The following CNOT10 variants were observed in gnomAD, a reference collection of about 807,000 sequenced individuals.
CNOT10 encodes CCR4-NOT transcription complex, subunit 10.
Under a neutral mutation model 94.6 loss-of-function variants are expected in CNOT10, and 30 were observed. The observed-to-expected ratio is 0.32, with a 90% confidence interval of 0.24 to 0.43. CNOT10 has a LOEUF of 0.43. Among genes scored for constraint, CNOT10 ranks in the 20% least tolerant of loss-of-function variants. The probability of loss-of-function intolerance (pLI) is 1.00; values close to 1 mark genes in which losing one functional copy is unlikely to be tolerated. For missense variants in CNOT10, 759 were observed against 877.2 expected (o/e 0.87, Z 1.70); for synonymous variants, 289 against 301.6 (o/e 0.96, Z 0.43).
At chr3:32,736,338 C>T (rs1002112545) in intron 12 of CNOT10, among the ~76,000 whole-genome samples, 10 of 152,148 alleles carry the variant, frequency 6.6e-5, no homozygotes, top group Non-Finnish European at 1.3e-4. Context: ...CCTCCCTCCT[C>T]GGCCTCCCAG....
chr3:32,731,241 G>A lies in CNOT10; in HGVS notation c.1216-2182G>A, dbSNP rs185199097. Among the ~76,000 whole-genome samples the A allele has an allele frequency of 1.7e-4, 26 of 152,236 alleles. No homozygotes were observed. In the East Asian group the frequency reaches 4.8e-3, roughly 28 times the overall value. On this transcript the variant is annotated intron_variant, in intron 10 of 18. Coordinates refer to ENST00000328834, the MANE Select transcript of CNOT10 (RefSeq NM_015442.3). Reference sequence around the variant, plus strand: ...TTATTGTATTTTTTAGCACTGTGTAGTATGTTCTTTATTAAAAGTCATATA... The same window carrying A: ...TTATTGTATTTTTTAGCACTGTGTAATATGTTCTTTATTAAAAGTCATATA...
rs750466597 is a variant in CNOT10, at chr3:32,733,416, T to C, written c.1216-7T>C. On this transcript the variant is annotated splice_polypyrimidine_tract_variant and splice_region_variant and intron_variant, in intron 10 of 18. Transcript: ENST00000328834. Reference sequence around the variant, plus strand: ...TAAATTTATTGGAAATTATTTGTATTTTGTAGACTTCTGAACAAGAAACTA... The same window carrying C: ...TAAATTTATTGGAAATTATTTGTATCTTGTAGACTTCTGAACAAGAAACTA... The C allele has an allele frequency of 9.0e-6, 14 of 1,559,530 alleles. No individual in the cohort carries two copies. The highest frequency in any genetic ancestry group is 1.2e-5 in the Non-Finnish European group (14 of 1,150,338).
chr3:32,759,303 A>G (rs1700345760), intron 13 of CNOT10, among the ~76,000 whole-genome samples, 155 bp from the exon 14 acceptor site: 1 of 152,206 alleles, frequency 6.6e-6, no homozygotes, highest in Non-Finnish European at 1.5e-5. Context: ...TGTTTTATAC[A>G]TCAATCTAAT....
chr3:32,698,712 T>C (rs1056106975), intron 1 of CNOT10, among the ~76,000 whole-genome samples: 7 of 152,142 alleles, frequency 4.6e-5, no homozygotes, highest in African/African-American at 1.7e-4. Context: ...AAAAGGGAAG[T>C]TGGGAATCTT....
intron 1 of CNOT10, among the ~76,000 whole-genome samples, chr3:32,689,796 T>TA (rs556178814): frequency 6.8e-4 from 103 of 151,042 alleles, no homozygotes; most frequent in Admixed American, 2.0e-3. Flanking sequence ...CCGTAAAAAA[T>TA]AAAAAAAAAT....
intron 1 of CNOT10, among the ~76,000 whole-genome samples, chr3:32,687,446 TTTTTTG>T (rs1248039782): frequency 4.1e-5 from 3 of 72,920 alleles, no homozygotes; most frequent in Non-Finnish European, 7.6e-5. Flanking sequence ...ACGGTTTTTT[TTTTTTG>T]TTTTTTTTTT....
intron 1 of CNOT10, among the ~76,000 whole-genome samples, chr3:32,703,136 G>A (rs1697444617): frequency 6.9e-6 from 1 of 145,070 alleles, no homozygotes; most frequent in South Asian, 2.2e-4. Context: ...GTGTTAGCCA[G>A]GATGGTCTCG....
intron 18 of CNOT10, among the ~76,000 whole-genome samples, chr3:32,772,500 C>CA (rs1479281974): frequency 9.9e-5 from 15 of 151,880 alleles, no homozygotes; most frequent in Admixed American, 6.6e-5. Context: ...CCAGCCTGGG[C>CA]AATATAGTGA....
chr3:32,713,469 A>G (rs1575226700), intron 5 of CNOT10, 100 bp downstream of exon 5: 1 of 941,496 alleles, frequency 1.1e-6, no homozygotes, highest in Non-Finnish European at 1.6e-6. Flanking sequence ...AAATATGATT[A>G]ATGTTTGTGG....
intron 5 of CNOT10, among the ~76,000 whole-genome samples, chr3:32,714,796 C>G (rs895398405): frequency 2.0e-5 from 3 of 152,130 alleles, no homozygotes; most frequent in African/African-American, 7.2e-5. Context: ...TATCCTGGGT[C>G]TCATGTTTTT....
chr3:32,711,308 T>C lies in CNOT10; in HGVS notation c.431-1919T>C, dbSNP rs548658908. On this transcript the variant is annotated intron_variant, in intron 4 of 18. Transcript: ENST00000328834. ...TATTTACATACAGTCTCTGTGTATG[T>C]CCTCCTGTACATTTTAAATAATCGC... Among the ~76,000 whole-genome samples the C allele has an allele frequency of 3.3e-5, 5 of 152,318 alleles. No homozygotes were observed. The East Asian group carries it at 9.6e-4, about 29-fold the overall frequency.
intron 13 of CNOT10, among the ~76,000 whole-genome samples, chr3:32,743,681 A>G (rs561245561): frequency 8.5e-5 from 13 of 152,214 alleles, no homozygotes; most frequent in South Asian, 4.2e-4. Context: ...CGGTGGTTAA[A>G]CATCTGCAGA....
At chr3:32,698,704 A>G (rs1471307697) in intron 1 of CNOT10, among the ~76,000 whole-genome samples, 1 of 152,192 alleles carries the variant, frequency 6.6e-6, no homozygotes. Flanking sequence ...CTTCTTGGAA[A>G]AGGGAAGTTG....
At chr3:32,698,068 C>G (rs991211411) in intron 1 of CNOT10, among the ~76,000 whole-genome samples, 1 of 152,136 alleles carries the variant, frequency 6.6e-6, no homozygotes, top group Admixed American at 6.6e-5. Flanking sequence ...TGGTCCTTAC[C>G]TCTTTTGTGC....
intron 1 of CNOT10, among the ~76,000 whole-genome samples, chr3:32,703,098 G>A (rs866630931): frequency 2.3e-5 from 1 of 43,638 alleles, no homozygotes; most frequent in Non-Finnish European, 5.3e-5. Flanking sequence ...TTTTTTTTTT[G>A]TATTTTTAGT....
chr3:32,713,388 T>A lies in CNOT10; in HGVS notation c.573+19T>A. The A allele has an allele frequency of 6.4e-7, 1 of 1,560,406 alleles. No homozygotes were observed. Among genetic ancestry groups the A allele is most frequent in the Non-Finnish European group, 8.6e-7 (1 of 1,159,754 alleles). On this transcript the variant is annotated intron_variant, in intron 5 of 18. Coordinates refer to ENST00000328834, the MANE Select transcript of CNOT10 (RefSeq NM_015442.3). ...GAATGAGGTGAGTCTTTAGAGGTGA[T>A]CAGACTAAAATCTAAAATGTGATTA...
chr3:32,764,716 C>G lies in CNOT10; in HGVS notation c.1911C>G (p.Ser637=). The G allele has an allele frequency of 6.2e-7, 1 of 1,614,162 alleles. No individual in the cohort carries two copies. Among genetic ancestry groups the G allele is most frequent in the Non-Finnish European group, 8.5e-7 (1 of 1,180,038 alleles). Residue 637 remains serine (S), a synonymous_variant, in exon 17 of 19, where the codon TCC becomes TCG. Coordinates refer to ENST00000328834, the MANE Select transcript of CNOT10 (RefSeq NM_015442.3). ...GKRAPQCYPS[S]VNSARTVMLF... is the part of the protein sequence containing the mutation. ...GGGCCCCTCAGTGCTACCCCAGTTC[C>G]GTCAACTCTGCCAGGACTGTGATGC...
At chr3:32,739,621 T>TAA (rs35020586) in intron 13 of CNOT10, among the ~76,000 whole-genome samples, 79 of 151,958 alleles carry the variant, frequency 5.2e-4, no homozygotes, top group African/African-American at 1.4e-3. Context: ...ACCCTGTCTC[T>TAA]AAAAAAATCA....
chr3:32,770,317 A>ATTTTT, intron 18 of CNOT10, among the ~76,000 whole-genome samples: 1 of 46,280 alleles, frequency 2.2e-5, no homozygotes, highest in Non-Finnish European at 4.0e-5. Context: ...CAAGGCTGAG[A>ATTTTT]TTTTTTTTTT....
Sources: allele counts gnomAD v4.1 joint callset (sites outside exome capture counted in the v4.1 genomes callset), GRCh38; gene constraint gnomAD v4.1.1; transcripts MANE v1.5; gene names NCBI Gene and HGNC (gene_info 2026-07-23, HGNC 2026-07-21).